Variants in OPCML observed in about 807,000 individuals in gnomAD.
OPCML encodes opioid-binding protein/cell adhesion molecule.
OPCML carries 13 observed loss-of-function variants against 37.8 expected under a neutral mutation model. That is an observed-to-expected ratio of 0.34 (90% confidence interval 0.22 to 0.55). OPCML has a LOEUF of 0.55. Among genes scored for constraint, OPCML ranks in the 20% least tolerant of loss-of-function variants. The pLI is 0.91. For missense variants in OPCML, 341 were observed against 435.6 expected (o/e 0.78, Z 1.93); for synonymous variants, 176 against 168.8 (o/e 1.04, Z -0.33).
chr11:133,119,582 G>A (rs1385751330), intron 1 of OPCML, among the ~76,000 whole-genome samples: 1 of 152,094 alleles, frequency 6.6e-6, no homozygotes, highest in African/African-American at 2.4e-5. Flanking sequence ...CAGCAGAGGG[G>A]AGAAACCATT....
At chr11:132,941,345 C>T (rs1373063364) in intron 2 of OPCML, among the ~76,000 whole-genome samples, 1 of 152,166 alleles carries the variant, frequency 6.6e-6, no homozygotes, top group African/African-American at 2.4e-5. Flanking sequence ...GGAAAATTCA[C>T]GACTGAGATC....
intron 4 of OPCML, among the ~76,000 whole-genome samples, chr11:132,515,603 G>C (rs1292860188): frequency 1.3e-5 from 2 of 152,156 alleles, no homozygotes; most frequent in Non-Finnish European, 2.9e-5. Flanking sequence ...CCCTATCCAA[G>C]GCTGGAACAT....
intron 1 of OPCML, among the ~76,000 whole-genome samples, chr11:133,017,865 A>C (rs1947363680): frequency 6.6e-6 from 1 of 152,180 alleles, no homozygotes; most frequent in African/African-American, 2.4e-5. Flanking sequence ...AGTCGTTTTC[A>C]ATGTCAGTCT....
At chr11:132,584,527 A>C (rs183762709) in intron 3 of OPCML, among the ~76,000 whole-genome samples, 1 of 152,302 alleles carries the variant, frequency 6.6e-6, no homozygotes, top group African/African-American at 2.4e-5. Flanking sequence ...TAATTTCATA[A>C]AGGATAATAA....
chr11:132,724,083 G>T (rs985291908), intron 2 of OPCML, among the ~76,000 whole-genome samples: 1 of 152,054 alleles, frequency 6.6e-6, no homozygotes, highest in Non-Finnish European at 1.5e-5. Context: ...GGAAATTGTG[G>T]GTCATTACTC....
chr11:133,337,169 T>C (rs1301187181), intron 1 of OPCML, among the ~76,000 whole-genome samples: 1 of 152,208 alleles, frequency 6.6e-6, no homozygotes, highest in Non-Finnish European at 1.5e-5. Flanking sequence ...ACATGAAATG[T>C]CAGTAATTCT....
At position 133,212,235 on chromosome 11, in the gene OPCML, CA is replaced by C. The variant is rs1939393101; in HGVS notation, c.62-269226del. On this transcript the variant is annotated intron_variant, in intron 1 of 7. Transcript: ENST00000524381. The surrounding 1 kb of genome is among the most constrained non-coding windows in gnomAD (Gnocchi z 4.9). ...AACAAAAGCAATTTTTCCTGCCCAC[CA>C]CCCCGATAGGTGCACAAAGTCCTCC... 6.6e-6 allele frequency among the ~76,000 whole-genome samples: 1 copy of C among 152,104 alleles called. No individual in the cohort carries two copies.
intron 7 of OPCML, among the ~76,000 whole-genome samples, chr11:132,426,492 C>A (rs993201215): frequency 6.6e-6 from 1 of 152,026 alleles, no homozygotes; most frequent in African/African-American, 2.4e-5. Flanking sequence ...CAGGCTGGAG[C>A]GCAGTGGCAC....
intron 1 of OPCML, among the ~76,000 whole-genome samples, chr11:133,491,931 G>C (rs565051473): frequency 6.6e-6 from 1 of 152,258 alleles, no homozygotes; most frequent in East Asian, 1.9e-4. Context: ...TTCTATCCTG[G>C]GCTCCCACAG....
At chr11:132,700,701 C>G (rs1943772221) in intron 2 of OPCML, among the ~76,000 whole-genome samples, 1 of 152,086 alleles carries the variant, frequency 6.6e-6, no homozygotes, top group Admixed American at 6.5e-5. Flanking sequence ...TGTGGTTGAA[C>G]ATATAATCTG....
At chr11:132,466,759 C>G (rs1039552539) in intron 4 of OPCML, among the ~76,000 whole-genome samples, 3 of 152,092 alleles carry the variant, frequency 2.0e-5, no homozygotes, top group Non-Finnish European at 2.9e-5. Context: ...AATAAGCATT[C>G]GGGGCTGGAG....
intron 2 of OPCML, among the ~76,000 whole-genome samples, chr11:132,866,083 A>T (rs1236970295): frequency 1.3e-5 from 2 of 152,122 alleles, no homozygotes; most frequent in Non-Finnish European, 2.9e-5. Context: ...AAAAAAAAAA[A>T]GTAGCTTAAA....
At chr11:133,024,435 C>G (rs1947510599) in intron 1 of OPCML, 2 of 984,654 alleles carry the variant, frequency 2.0e-6, no homozygotes, top group African/African-American at 3.5e-5. Context: ...AGGTCAAGCA[C>G]ACACAGGAAG....
rs1216520798 is a variant in OPCML at position 132,483,480 on chromosome 11, G to A, written c.505+45581C>T. Reference sequence around the variant, plus strand: ...TAGGAAGAATCAATATCATGAAAATGGCCATACTGCCCAAGGTAATTTACA... The same window carrying A: ...TAGGAAGAATCAATATCATGAAAATAGCCATACTGCCCAAGGTAATTTACA... On this transcript the variant is annotated intron_variant, in intron 4 of 7. Coordinates refer to ENST00000524381, the MANE Select transcript of OPCML (RefSeq NM_001012393.5). Among the ~76,000 whole-genome samples, 4 of 152,194 alleles carry A rather than the reference G, an allele frequency of 2.6e-5. No individual in the cohort carries two copies. The East Asian group carries it at 7.7e-4, about 29-fold the overall frequency.
intron 1 of OPCML, among the ~76,000 whole-genome samples, chr11:133,103,692 T>A (rs1336559239): frequency 2.6e-5 from 4 of 152,216 alleles, no homozygotes; most frequent in Non-Finnish European, 5.9e-5. Flanking sequence ...TCCCAATCAA[T>A]GCATCTCCCC....
chr11:132,443,144 GCAGCATGTACCAGAC>G (rs1454757904), intron 4 of OPCML, among the ~76,000 whole-genome samples: 1 of 152,214 alleles, frequency 6.6e-6, no homozygotes, highest in Non-Finnish European at 1.5e-5. Flanking sequence ...AGCAACTGCT[GCAGCATGTACCAGAC>G]CAGCCAGGAG....
intron 1 of OPCML, chr11:133,420,502 G>A (rs1449283645): frequency 1.0e-6 from 1 of 983,196 alleles, no homozygotes; most frequent in Non-Finnish European, 1.2e-6. Flanking sequence ...TTTTTTTCTG[G>A]CCTCATTGGT....
intron 1 of OPCML, among the ~76,000 whole-genome samples, chr11:133,129,663 G>C (rs1949574121): frequency 6.6e-6 from 1 of 152,136 alleles, no homozygotes; most frequent in African/African-American, 2.4e-5. Flanking sequence ...AGCATTTTGA[G>C]AGGCTGAGGT....
rs1165954127 is a variant in OPCML at position 132,437,288 on chromosome 11, A to G, written c.577T>C (p.Tyr193His). The G allele has an allele frequency of 1.2e-6, 2 of 1,613,800 alleles. No homozygotes were observed. The highest frequency in any genetic ancestry group is 2.7e-5 in the African/African-American group (2 of 74,830). Residue 193 changes from tyrosine to histidine, a missense_variant, in exon 5 of 8, where the codon TAC (tyrosine) becomes CAC (histidine). Physicochemically the swap from Tyr to His is moderately conservative, Grantham distance 83. Transcript: ENST00000524381. ...ACATCGTTCAACGCGCTGCATTCGT[A>G]CTCCCCGGACTGGTCTCGCTTGATG... ...SDIKRDQSGE[Y>H]ECSALNDVAA... is the part of the protein sequence containing the mutation.
Sources: gnomAD v4.1 joint callset for allele counts (sites outside exome capture counted in the v4.1 genomes callset) on GRCh38, gnomAD v4.1.1 for gene constraint, Gnocchi (gnomAD v3.1) non-coding constraint, MANE v1.5 for transcripts, NCBI Gene and HGNC (gene_info 2026-07-23, HGNC 2026-07-21) for gene names.